DRC3: variants seen among roughly 807,000 people sequenced by gnomAD.
The protein encoded by DRC3 is leucine rich repeat containing 48.
Under a neutral mutation model 57.6 loss-of-function variants are expected in DRC3, and 45 were observed. That is an observed-to-expected ratio of 0.78 (90% confidence interval 0.62 to 1.00). DRC3 has a LOEUF of 1.00. DRC3 is among the 50% of genes least tolerant of loss of function. DRC3 has a pLI of 0.00. For missense variants in DRC3, 655 were observed against 675.2 expected (o/e 0.97, Z 0.33); for synonymous variants, 257 against 272.3 (o/e 0.94, Z 0.55).
intron 3 of DRC3, 84 bp from the exon 4 acceptor site, chr17:17,983,744 G>T (rs1196779740): frequency 2.2e-6 from 2 of 927,382 alleles, no homozygotes; most frequent in East Asian, 2.4e-5. Context: ...GGTCCCTTTT[G>T]TGTGGTTCTG....
intron 4 of DRC3, among the ~76,000 whole-genome samples, chr17:17,986,466 CTTT>C (rs35727404): frequency 3.8e-5 from 5 of 133,262 alleles, no homozygotes; most frequent in Non-Finnish European, 8.1e-5. Flanking sequence ...CCCAAATCAC[CTTT>C]TTTTTTTTTT....
At chr17:18,010,946 T>TGTTTGTTTG (rs1555632215) in intron 12 of DRC3, 1 of 242,302 alleles carries the variant, frequency 4.1e-6, no homozygotes, top group Non-Finnish European at 8.3e-6. Context: ...GAGGTTTTTT[T>TGTTTGTTTG]TTTGTTTGTT....
chr17:17,994,885 C>T (rs1411463685), intron 7 of DRC3, 114 bp from the exon 8 acceptor site: 2 of 704,844 alleles, frequency 2.8e-6, no homozygotes, highest in Non-Finnish European at 5.1e-6. Context: ...CTGCACATGC[C>T]ATTCTCTTTG....
chr17:17,983,755 C>T lies in DRC3; in HGVS notation c.161-73C>T, dbSNP rs2042824769. The T allele has an allele frequency of 1.3e-5, 14 of 1,055,820 alleles. No homozygotes were observed. The South Asian group carries it at 1.4e-4, about 10-fold the overall frequency. 65.4% of individuals were successfully genotyped at this position (1,055,820 alleles called of 1,614,324 possible). On this transcript the variant is annotated intron_variant, in intron 3 of 13. Transcript: ENST00000399187. ...TCTAGGTCCCTTTTGTGTGGTTCTG[C>T]CTCACTCCTCCTGTACACTAGCACA...
intron 4 of DRC3, among the ~76,000 whole-genome samples, chr17:17,986,011 A>G (rs1042383251): frequency 2.0e-5 from 3 of 152,076 alleles, no homozygotes; most frequent in African/African-American, 7.2e-5. Context: ...TCCCAGGTTC[A>G]AGTGATTCTC....
chr17:17,986,323 G>C lies in DRC3; in HGVS notation c.278-1609G>C, dbSNP rs557106675. Among the ~76,000 whole-genome samples the C allele has an allele frequency of 1.1e-4, 17 of 152,230 alleles. 1 individual carries two copies. The South Asian group carries it at 3.3e-3, about 30-fold the overall frequency. On this transcript the variant is annotated intron_variant, in intron 4 of 13. Transcript: ENST00000399187. ...GGGGATGATGCTATCTGTGCTATGA[G>C]GATTAAACAAGGTAATGCACTTAAA...
Position 17,977,687 on chromosome 17 carries a change from A to T in DRC3, c.89A>T (p.Glu30Val). The change falls in exon 3 of 14, where the codon GAG becomes GTG. Residue 30 changes from glutamate to valine, a missense_variant. By Grantham distance (121) the Glu-to-Val change is moderately radical. Coordinates refer to ENST00000399187, the MANE Select transcript of DRC3 (RefSeq NM_031294.4). The part of the protein sequence containing the change: ...LAVGDQGPQE[E>V]AGQLAKQEGI... ...GTCGGGGACCAGGGCCCCCAGGAGG[A>T]GGCCGGGCAGCTGGCCAAGCAGGAG... 6.2e-7 allele frequency: 1 copy of T among 1,613,712 alleles called. No individual in the cohort carries two copies. The highest frequency in any genetic ancestry group is 8.5e-7 in the Non-Finnish European group (1 of 1,179,710).
intron 9 of DRC3, among the ~76,000 whole-genome samples, chr17:17,998,611 G>A (rs2043560086): frequency 6.6e-6 from 1 of 152,148 alleles, no homozygotes; most frequent in African/African-American, 2.4e-5. Context: ...TTAAAGTAGA[G>A]CAAAGTCCCT....
intron 5 of DRC3, 30 bp downstream of exon 5, chr17:17,988,128 A>T: frequency 6.2e-7 from 1 of 1,604,930 alleles, no homozygotes; most frequent in African/African-American, 1.3e-5. Flanking sequence ...GCCCTCACGC[A>T]CACCTGCAGA....
At chr17:17,983,631 C>G (rs972624330) in intron 3 of DRC3, among the ~76,000 whole-genome samples, 197 bp from the exon 4 acceptor site, 2 of 152,118 alleles carry the variant, frequency 1.3e-5, no homozygotes, top group Non-Finnish European at 2.9e-5. Flanking sequence ...CTCTGGGTGG[C>G]AGTACCGATC....
At chr17:17,974,377 T>G (rs1351607990) in intron 2 of DRC3, among the ~76,000 whole-genome samples, 1 of 152,226 alleles carries the variant, frequency 6.6e-6, no homozygotes, top group Non-Finnish European at 1.5e-5. Flanking sequence ...TCCCTTATTT[T>G]TTTTATTTTT....
chr17:17,994,983 G>T lies in DRC3; in HGVS notation c.712-16G>T, dbSNP rs767406612. The T allele has an allele frequency of 6.2e-7, 1 of 1,605,202 alleles. No individual in the cohort carries two copies. Among genetic ancestry groups the T allele is most frequent in the Admixed American group, 1.7e-5 (1 of 60,010 alleles). ...CTGACAGGAGCCGTCCTACCTACGT[G>T]TGTTTCTGCCTGCAGACTGCGTTTG... On this transcript the variant is annotated splice_polypyrimidine_tract_variant and intron_variant, in intron 7 of 13. Coordinates refer to ENST00000399187, the MANE Select transcript of DRC3 (RefSeq NM_031294.4).
Position 17,997,546 on chromosome 17 carries a change from C to G in DRC3, c.911C>G (p.Thr304Ser), listed in dbSNP as rs761904241. ...GAGAAGCGGAAAACAGAGCTTGACA[C>G]CTTCAGTGAATGTGTCCGTGAGGCC... is the stretch of plus-strand genomic sequence containing the variant. ...QQEKRKTELD[T>S]FSECVREAIQ... The change falls in exon 9 of 14, where the codon ACC (threonine) becomes AGC (serine). Residue 304 changes from threonine to serine, a missense_variant. By Grantham distance (58) the Thr-to-Ser change is moderately conservative. Transcript: ENST00000399187. 1 of 1,611,086 alleles carries G rather than the reference C, an allele frequency of 6.2e-7. No individual in the cohort carries two copies. Among genetic ancestry groups the G allele is most frequent in the East Asian group, 2.2e-5 (1 of 44,578 alleles).
intron 12 of DRC3, chr17:18,007,503 C>T: frequency 6.5e-7 from 1 of 1,546,314 alleles, no homozygotes. Context: ...GTCTTCTTAA[C>T]CTTAGAGTCT....
chr17:17,976,032 C>G (rs1005175029), intron 2 of DRC3, among the ~76,000 whole-genome samples: 1 of 152,136 alleles, frequency 6.6e-6, no homozygotes, highest in African/African-American at 2.4e-5. Context: ...ACCATCAGCC[C>G]TGCACCAGGA....
chr17:18,015,591 GGA>G (rs2044330382), intron 12 of DRC3: 1 of 155,054 alleles, frequency 6.4e-6, no homozygotes, highest in South Asian at 2.0e-4. Flanking sequence ...GAGTGGCAGT[GGA>G]GAGACAACTG....
intron 2 of DRC3, among the ~76,000 whole-genome samples, chr17:17,976,932 T>C (rs1190158377): frequency 6.6e-6 from 1 of 152,192 alleles, no homozygotes; most frequent in Non-Finnish European, 1.5e-5. Context: ...TGCTTAACTA[T>C]GTACCCAGCC....
At chr17:17,983,221 C>T (rs1427421244) in intron 3 of DRC3, among the ~76,000 whole-genome samples, 1 of 152,180 alleles carries the variant, frequency 6.6e-6, no homozygotes, top group Non-Finnish European at 1.5e-5. Flanking sequence ...TCATCCCCTA[C>T]GTATGGACAT....
intron 12 of DRC3, chr17:18,007,814 G>C (rs1031145194): frequency 9.7e-7 from 1 of 1,029,526 alleles, no homozygotes; most frequent in Non-Finnish European, 1.2e-6. Flanking sequence ...TTTAGTGCAT[G>C]CATCATTCAC....
Sources: gnomAD v4.1 joint callset for allele counts (sites outside exome capture counted in the v4.1 genomes callset) on GRCh38, gnomAD v4.1.1 for gene constraint, MANE v1.5 for transcripts, NCBI Gene and HGNC (gene_info 2026-07-23, HGNC 2026-07-21) for gene names.